The following SREBF2 variants were observed in gnomAD, a reference collection of about 807,000 sequenced individuals.
The protein encoded by SREBF2 is sterol regulatory element-binding protein 2.
A neutral mutation model predicts 113.1 loss-of-function variants in SREBF2; 55 were observed. That is an observed-to-expected ratio of 0.49 (90% CI 0.39 to 0.61). The LOEUF (loss-of-function observed/expected upper bound fraction) is 0.61, where lower values mean the gene tolerates loss of function less well. Among genes scored for constraint, SREBF2 ranks in the 20% least tolerant of loss-of-function variants. The pLI is 0.00. For synonymous variants in SREBF2, 593 were observed against 605.7 expected, an observed-to-expected ratio of 0.98 and a Z score of 0.31; for missense variants, 1,349 against 1,487.4, an observed-to-expected ratio of 0.91 and a Z score of 1.53.
chr22:41,894,352 C>G (rs1165855452), intron 12 of SREBF2, among the ~76,000 whole-genome samples: 1 of 152,228 alleles, frequency 6.6e-6, no homozygotes. Flanking sequence ...AGACAGGTCA[C>G]TGCTGATGGC....
intron 11 of SREBF2, among the ~76,000 whole-genome samples, chr22:41,889,626 A>G (rs2077336653): frequency 6.6e-6 from 1 of 151,778 alleles, no homozygotes; most frequent in Admixed American, 6.6e-5. Context: ...TTGAGGCTGC[A>G]GTTAGCTATG....
At position 41,880,943 on chromosome 22, in the gene SREBF2, C is replaced by G. The variant is rs1248204922; in HGVS notation, c.1989C>G (p.Ala663=). ...AGFEDEAKTS[A]RDAALAYHRL... ...TTGAAGACGAAGCTAAGACCAGCGCCCGGGATGCGGCTCTGGCCTATCACC... is the reference window on the plus strand; with the variant it reads ...TTGAAGACGAAGCTAAGACCAGCGCGCGGGATGCGGCTCTGGCCTATCACC... The change falls in exon 10 of 19, where the codon GCC becomes GCG. Residue 663 remains alanine, a synonymous_variant. Transcript: ENST00000361204. The G allele has an allele frequency of 6.2e-7, 1 of 1,612,068 alleles. No individual in the cohort carries two copies. The highest frequency in any genetic ancestry group is 1.7e-5 in the Admixed American group (1 of 60,022).
chr22:41,860,821 G>C (rs62240961), intron 1 of SREBF2, among the ~76,000 whole-genome samples: 2 of 152,052 alleles, frequency 1.3e-5, no homozygotes, highest in Non-Finnish European at 2.9e-5. Flanking sequence ...AGGAGGTAGA[G>C]GCTGCATTGA....
At chr22:41,863,871 TTATC>T (rs1392638454) in intron 1 of SREBF2, among the ~76,000 whole-genome samples, 2 of 152,058 alleles carry the variant, frequency 1.3e-5, no homozygotes, top group African/African-American at 2.4e-5. Flanking sequence ...ATTTATTTAT[TTATC>T]TATCTATTTA....
intron 7 of SREBF2, 40 bp downstream of exon 7, chr22:41,875,764 C>A (rs2077192259): frequency 6.2e-7 from 1 of 1,609,536 alleles, no homozygotes; most frequent in East Asian, 2.2e-5. Context: ...GGAATCTTTC[C>A]CATTTCCCCT....
chr22:41,837,164 C>T (rs1321724666), intron 1 of SREBF2, among the ~76,000 whole-genome samples: 1 of 152,146 alleles, frequency 6.6e-6, no homozygotes, highest in African/African-American at 2.4e-5. Flanking sequence ...TGTGACTGGG[C>T]TAGCCTACTT....
chr22:41,837,599 C>T lies in SREBF2; in HGVS notation c.88+4241C>T, dbSNP rs1264735923. Among the ~76,000 whole-genome samples the T allele has an allele frequency of 2.7e-5, 4 of 148,402 alleles. No individual in the cohort carries two copies. The East Asian group carries it at 7.9e-4, about 29-fold the overall frequency. On this transcript the variant is annotated intron_variant, in intron 1 of 18. Coordinates refer to ENST00000361204, the MANE Select transcript of SREBF2 (RefSeq NM_004599.4). ...AAATGCTGGACACGGTGGCTCACAC[C>T]TATAATCCCAGCACTTTGGGAGGCC... is the stretch of plus-strand genomic sequence containing the variant.
chr22:41,898,200 C>T (rs574486385), intron 14 of SREBF2, among the ~76,000 whole-genome samples: 2 of 152,108 alleles, frequency 1.3e-5, no homozygotes, highest in African/African-American at 4.8e-5. Flanking sequence ...AACCTCCGCC[C>T]GCACCGAGGT....
Position 41,880,807 on chromosome 22 carries a change from G to A in SREBF2, c.1853G>A (p.Ser618Asn), listed in dbSNP as rs1424250647. ...LPTSRLDLAC[S>N]LSWNVIRYSL... ...ACCTCCCGCCTGGACCTGGCCTGCA[G>A]CCTCTCCTGGAACGTGATCCGCTAC... Residue 618 changes from serine to asparagine, a missense_variant, in exon 10 of 19, where the codon AGC (serine) becomes AAC (asparagine). Ser to Asn is a conservative substitution (Grantham distance 46). Transcript: ENST00000361204. 6.2e-7 allele frequency: 1 copy of A among 1,614,194 alleles called. No homozygotes were observed. The highest frequency in any genetic ancestry group is 1.7e-5 in the Admixed American group (1 of 60,030).
rs1255910500 is a variant in SREBF2, at chr22:41,905,774, G to A, written c.*114G>A. On this transcript the variant is annotated 3_prime_UTR_variant, in exon 19 of 19. Transcript: ENST00000361204. ...CTTGTCTTCTTAGCTGTCACCTGCC[G>A]AGGCTTCTGGGCCACTCAGGCCAGT... 3.3e-5 allele frequency: 41 copies of A among 1,242,282 alleles called. 1 individual carries two copies. Among genetic ancestry groups the A allele is most frequent in the South Asian group, 1.9e-4 (15 of 77,122 alleles). The allele number at this position is 1,242,282 out of a possible 1,614,324, so 77.0% of individuals were successfully genotyped here. A position where few individuals can be genotyped will look rare whatever the true frequency, so the allele number is the denominator to read the frequency against.
At chr22:41,843,745 A>G (rs958506205) in intron 1 of SREBF2, among the ~76,000 whole-genome samples, 15 of 152,064 alleles carry the variant, frequency 9.9e-5, no homozygotes, top group African/African-American at 3.6e-4. Context: ...CTGTAATCCT[A>G]GCACTTTGGG....
chr22:41,877,756 A>G (rs963804309), intron 8 of SREBF2, among the ~76,000 whole-genome samples, 186 bp from the exon 9 acceptor site: 1 of 152,178 alleles, frequency 6.6e-6, no homozygotes, highest in African/African-American at 2.4e-5. Context: ...AAAGATTTTT[A>G]TGGCACTCAG....
rs773467779 is a variant in SREBF2, at chr22:41,867,166, C to G, written c.424C>G (p.Gln142Glu). The G allele has an allele frequency of 6.2e-7, 1 of 1,614,216 alleles. No homozygotes were observed. The highest frequency in any genetic ancestry group is 8.5e-7 in the Non-Finnish European group (1 of 1,180,044). The stretch of plus-strand genomic sequence containing the variant: ...CCGCCCCCAGCCCCAGCCTCAACCT[C>G]AAACTCAGCTGCAACAACAGACGGT... ...QPRPQPQPQP[Q>E]TQLQQQTVMI... Residue 142 changes from glutamine (Q) to glutamate (E), a missense_variant, in exon 2 of 19, where the codon CAA (glutamine) becomes GAA (glutamate). Gln to Glu is a conservative substitution (Grantham distance 29). Around this residue, in one of 2 missense-constraint regions of SREBF2, gnomAD observed 699 missense variants for 843.3 expected, o/e 0.83. Coordinates refer to ENST00000361204, the MANE Select transcript of SREBF2 (RefSeq NM_004599.4).
chr22:41,846,307 C>T (rs544539752), intron 1 of SREBF2, among the ~76,000 whole-genome samples: 1 of 152,318 alleles, frequency 6.6e-6, no homozygotes, highest in South Asian at 2.1e-4. Flanking sequence ...CAAGGAGGCT[C>T]CTGCTTAGTA....
At chr22:41,870,628 C>CAAAAAA (rs133289) in intron 3 of SREBF2, among the ~76,000 whole-genome samples, 13 of 56,156 alleles carry the variant, frequency 2.3e-4, no homozygotes, top group African/African-American at 6.4e-4. Context: ...CCTGTCTCAG[C>CAAAAAA]AAAAAAAAAA....
chr22:41,857,388 G>A (rs1205340534), intron 1 of SREBF2, among the ~76,000 whole-genome samples: 1 of 152,232 alleles, frequency 6.6e-6, no homozygotes, highest in Non-Finnish European at 1.5e-5. Context: ...AGTCCCTCCA[G>A]GGCTGCCATG....
rs763915700 is a variant in SREBF2 at position 41,905,597 on chromosome 22, C to T, written c.3363C>T (p.Ser1121=). The change falls in exon 19 of 19, where the codon TCC becomes TCT. Residue 1121 remains serine (S), a synonymous_variant. Coordinates refer to ENST00000361204, the MANE Select transcript of SREBF2 (RefSeq NM_004599.4). ...TGGAGAAGGTGGGCGACCGGCGCTC[C>T]TGCAACGACTGCCAGCAGATGATTG... ...RTLEKVGDRR[S]CNDCQQMIVK... 3.1e-6 allele frequency: 5 copies of T among 1,599,810 alleles called. No individual in the cohort carries two copies. The highest frequency in any genetic ancestry group is 1.3e-5 in the African/African-American group (1 of 74,798).
At chr22:41,866,783 T>C in intron 1 of SREBF2, 48 bp from the exon 2 acceptor site, 1 of 1,607,300 alleles carries the variant, frequency 6.2e-7, no homozygotes, top group African/African-American at 1.3e-5. Context: ...AGTTTGAAAG[T>C]TCACTTTTTG....
Position 41,860,659 on chromosome 22 carries a change from G to A in SREBF2, c.89-6172G>A, listed in dbSNP as rs150105096. On this transcript the variant is annotated intron_variant, in intron 1 of 18. Coordinates refer to ENST00000361204, the MANE Select transcript of SREBF2 (RefSeq NM_004599.4). ...TTTGGGAGGCCAAGTCAAGAGGATC[G>A]CTTGAGCCCAGGAGTTTGAGACCAG... Among the ~76,000 whole-genome samples the A allele has an allele frequency of 7.1e-3, 1,075 of 151,904 alleles. 6 individuals are homozygous for A. The highest frequency in any genetic ancestry group is 0.051 in the Middle Eastern group (15 of 294).
Sources: gnomAD v4.1 joint callset for allele counts (sites outside exome capture counted in the v4.1 genomes callset) on GRCh38, gnomAD v4.1.1 for gene constraint, gnomAD v4.1.1 regional missense constraint, MANE v1.5 for transcripts, NCBI Gene and HGNC (gene_info 2026-07-23, HGNC 2026-07-21) for gene names.